TMEM135: variants seen among roughly 807,000 people sequenced by gnomAD.
TMEM135 encodes peroxisomal membrane protein 52.
Under a neutral mutation model 60.3 loss-of-function variants are expected in TMEM135, and 30 were observed. The observed-to-expected ratio is 0.50, with a 90% CI of 0.37 to 0.68. TMEM135 has a LOEUF of 0.68. TMEM135 is among the 30% of genes least tolerant of loss of function. The probability of loss-of-function intolerance (pLI) is 0.00; values close to 1 mark genes in which losing one functional copy is unlikely to be tolerated. For missense variants in TMEM135, 468 were observed against 548.8 expected (o/e 0.85, Z 1.47); for synonymous variants, 190 against 186.7 (o/e 1.02, Z -0.14).
rs532846957 is a variant in TMEM135, at chr11:87,313,463, T to C, written c.975T>C (p.Asp325=). ...TCCTGCGCTGGATCAGAAACTTAGA[T>C]GATGAACTACATGCTATTATAGCTG... is the stretch of plus-strand genomic sequence containing the variant. ...SCFLRWIRNL[D]DELHAIIAGF... is the part of the protein sequence containing the mutation. Residue 325 remains aspartate, a synonymous_variant, in exon 11 of 15, where the codon GAT becomes GAC. Coordinates refer to ENST00000305494, the MANE Select transcript of TMEM135 (RefSeq NM_022918.4). 15 of 1,610,974 alleles carry C rather than the reference T, an allele frequency of 9.3e-6. No homozygotes were observed. Among genetic ancestry groups the C allele is most frequent in the Non-Finnish European group, 1.1e-5 (13 of 1,177,822 alleles).
At chr11:87,173,807 A>T (rs1229242234) in intron 5 of TMEM135, among the ~76,000 whole-genome samples, 2 of 152,122 alleles carry the variant, frequency 1.3e-5, no homozygotes, top group Non-Finnish European at 2.9e-5. Context: ...TAGCAGTGTT[A>T]TTGGCACTTC....
intron 4 of TMEM135, among the ~76,000 whole-genome samples, chr11:87,106,069 C>T (rs1857587183): frequency 6.6e-6 from 1 of 151,816 alleles, no homozygotes; most frequent in South Asian, 2.1e-4. Flanking sequence ...ATAATGATCT[C>T]CAGTTCCATC....
At chr11:87,089,852 A>T (rs1857169949) in intron 3 of TMEM135, among the ~76,000 whole-genome samples, 1 of 152,196 alleles carries the variant, frequency 6.6e-6, no homozygotes, top group Admixed American at 6.5e-5. Context: ...ATCCATATGT[A>T]AAAATCATAG....
At chr11:87,139,231 C>T (rs1385700888) in intron 4 of TMEM135, among the ~76,000 whole-genome samples, 2 of 151,920 alleles carry the variant, frequency 1.3e-5, no homozygotes, top group African/African-American at 4.8e-5. Context: ...GTTGAATTAC[C>T]ACTGAATTGA....
At chr11:87,252,103 T>A (rs1482289032) in intron 6 of TMEM135, among the ~76,000 whole-genome samples, 1 of 152,078 alleles carries the variant, frequency 6.6e-6, no homozygotes, top group Non-Finnish European at 1.5e-5. Flanking sequence ...TGCTAGAGGA[T>A]TAAGGGTTTT....
At chr11:87,127,110 A>G (rs1375784342) in intron 4 of TMEM135, among the ~76,000 whole-genome samples, 1 of 152,250 alleles carries the variant, frequency 6.6e-6, no homozygotes, top group African/African-American at 2.4e-5. Context: ...TGTTAAAACC[A>G]TAAAAAAAGT....
chr11:87,319,264 G>A, intron 13 of TMEM135, 46 bp from the exon 14 acceptor site: 1 of 1,475,716 alleles, frequency 6.8e-7, no homozygotes, highest in Admixed American at 1.7e-5. Context: ...ATCACTTTCA[G>A]TTTTCATTTA....
intron 5 of TMEM135, among the ~76,000 whole-genome samples, chr11:87,213,319 A>T (rs1037951192): frequency 7.2e-5 from 11 of 152,176 alleles, no homozygotes; most frequent in Non-Finnish European, 1.2e-4. Context: ...TAATAAATGT[A>T]ACTTCTATTA....
intron 7 of TMEM135, among the ~76,000 whole-genome samples, chr11:87,301,575 T>C (rs1942449974): frequency 6.6e-6 from 1 of 152,132 alleles, no homozygotes; most frequent in South Asian, 2.1e-4. Context: ...TTTAGTGTAT[T>C]GTTATTGATC....
At chr11:87,243,379 A>G (rs1941185419) in intron 6 of TMEM135, among the ~76,000 whole-genome samples, 3 of 135,328 alleles carry the variant, frequency 2.2e-5, no homozygotes, top group Admixed American at 2.2e-4. Flanking sequence ...GTTTTTTCCA[A>G]TTCTGTGAAG....
rs545066469 is a variant in TMEM135, at chr11:87,314,467, T to C, written c.1001-4T>C. On this transcript the variant is annotated splice_polypyrimidine_tract_variant and splice_region_variant and intron_variant, in intron 11 of 14. Coordinates refer to ENST00000305494, the MANE Select transcript of TMEM135 (RefSeq NM_022918.4). ...TATCAGTTATTTCTTATTTCTTGTT[T>C]CAGGATTTTTGGCAGGTATATCAAT... 1 of 1,606,902 alleles carries C rather than the reference T, an allele frequency of 6.2e-7. No homozygotes were observed. The highest frequency in any genetic ancestry group is 1.7e-5 in the Admixed American group (1 of 59,760).
rs1942833574 is a variant in TMEM135 at position 87,322,151 on chromosome 11, TA to T, written c.*819del. 1 of 454,232 alleles carries T rather than the reference TA, an allele frequency of 2.2e-6. No homozygotes were observed. The highest frequency in any genetic ancestry group is 4.4e-6 in the Non-Finnish European group (1 of 226,656). 28.1% of individuals were successfully genotyped at this position (454,232 alleles called of 1,614,324 possible). ...AAAACTTTTAAACTTCCTATAGGTTTATGATGTTTGTTTTCATTTATATGGA... is the reference window on the plus strand; with the variant it reads ...AAAACTTTTAAACTTCCTATAGGTTTTGATGTTTGTTTTCATTTATATGGA... On this transcript the variant is annotated 3_prime_UTR_variant, in exon 15 of 15. Transcript: ENST00000305494.
intron 1 of TMEM135, among the ~76,000 whole-genome samples, chr11:87,055,554 T>G (rs1320374623): frequency 1.3e-5 from 2 of 152,188 alleles, no homozygotes; most frequent in Non-Finnish European, 2.9e-5. Context: ...AAGTTGGGAT[T>G]TTTTTCGACA....
At chr11:87,080,840 C>T (rs1856976230) in intron 3 of TMEM135, among the ~76,000 whole-genome samples, 2 of 152,226 alleles carry the variant, frequency 1.3e-5, no homozygotes, top group South Asian at 4.1e-4. Context: ...GCACGTGCCA[C>T]CACGCCTGGC....
At chr11:87,139,620 T>G (rs993641807) in intron 4 of TMEM135, among the ~76,000 whole-genome samples, 1 of 152,208 alleles carries the variant, frequency 6.6e-6, no homozygotes, top group East Asian at 1.9e-4. Context: ...TACAGGAAAC[T>G]GACAAATTGT....
chr11:87,287,618 A>G (rs1942190751), intron 6 of TMEM135, among the ~76,000 whole-genome samples: 1 of 152,214 alleles, frequency 6.6e-6, no homozygotes. Context: ...CGGAGATTGC[A>G]GTGAGCTGAG....
intron 4 of TMEM135, among the ~76,000 whole-genome samples, chr11:87,138,016 A>C (rs1281574976): frequency 3.3e-5 from 5 of 152,022 alleles, no homozygotes; most frequent in Non-Finnish European, 7.4e-5. Flanking sequence ...CTCCATATGT[A>C]ATGCATATTT....
intron 5 of TMEM135, among the ~76,000 whole-genome samples, chr11:87,223,599 T>C (rs1940695251): frequency 1.3e-5 from 2 of 151,704 alleles, no homozygotes; most frequent in Admixed American, 6.6e-5. Context: ...TCACCTGAGG[T>C]CAGGAGTTCC....
Position 87,321,371 on chromosome 11 carries a change from T to A in TMEM135, c.*38T>A. ...CTTATTAATGTGACTAAATGTTTCA[T>A]CTTGAAGAGTTAATTATGTTGAACA... On this transcript the variant is annotated 3_prime_UTR_variant, in exon 15 of 15. Coordinates refer to ENST00000305494, the MANE Select transcript of TMEM135 (RefSeq NM_022918.4). The A allele has an allele frequency of 6.2e-7, 1 of 1,611,216 alleles. No homozygotes were observed. Among genetic ancestry groups the A allele is most frequent in the Non-Finnish European group, 8.5e-7 (1 of 1,177,804 alleles).
Sources: gnomAD v4.1 joint callset for allele counts (sites outside exome capture counted in the v4.1 genomes callset) on GRCh38, gnomAD v4.1.1 for gene constraint, MANE v1.5 for transcripts, NCBI Gene and HGNC (gene_info 2026-07-23, HGNC 2026-07-21) for gene names.